The following ADAMTSL1 variants were observed in gnomAD, a reference collection of about 807,000 sequenced individuals.
ADAMTSL1 encodes the protein ADAMTS like 1, also known as ADAMTS-like protein 1.
A neutral mutation model predicts 201.8 loss-of-function variants in ADAMTSL1; 126 were observed. The observed-to-expected ratio is 0.62, with a 90% confidence interval of 0.54 to 0.72. ADAMTSL1 has a LOEUF of 0.72. ADAMTSL1 is among the 30% of genes least tolerant of loss of function. The probability of loss-of-function intolerance (pLI) is 0.00; values close to 1 mark genes in which losing one functional copy is unlikely to be tolerated. For synonymous variants in ADAMTSL1, 1,121 were observed against 903.4 expected (o/e 1.24, Z -4.32); for missense variants, 2,679 against 2,277.8 (o/e 1.18, Z -3.59).
intron 23 of ADAMTSL1, among the ~76,000 whole-genome samples, chr9:18,878,657 G>A (rs1035282047): frequency 7.2e-5 from 11 of 152,366 alleles, no homozygotes; most frequent in African/African-American, 2.2e-4. Context: ...GGCACCTGCA[G>A]TGGCAAGCTG....
At chr9:18,232,353 G>C (rs983318062) in intron 2 of ADAMTSL1, among the ~76,000 whole-genome samples, 1 of 151,974 alleles carries the variant, frequency 6.6e-6, no homozygotes, top group African/African-American at 2.4e-5. Flanking sequence ...CATTCTTTTG[G>C]TAAGGTACTC....
At chr9:17,952,655 A>G (rs1827772212) in intron 1 of ADAMTSL1, among the ~76,000 whole-genome samples, 1 of 152,114 alleles carries the variant, frequency 6.6e-6, no homozygotes. Flanking sequence ...TGGAGGGACC[A>G]CAGGCACACA....
intron 7 of ADAMTSL1, among the ~76,000 whole-genome samples, chr9:18,654,210 CAG>C (rs1364456329): frequency 2.0e-5 from 3 of 152,164 alleles, no homozygotes; most frequent in African/African-American, 7.2e-5. Context: ...CCCTGGGTGA[CAG>C]AGTGAGACTC....
intron 1 of ADAMTSL1, among the ~76,000 whole-genome samples, chr9:18,027,182 C>A (rs772966333): frequency 6.6e-6 from 1 of 150,416 alleles, no homozygotes; most frequent in Non-Finnish European, 1.5e-5. Context: ...TTCATTGGTC[C>A]TTTGTATAGA....
intron 2 of ADAMTSL1, among the ~76,000 whole-genome samples, chr9:18,404,462 C>T (rs1417444886): frequency 6.6e-6 from 1 of 152,116 alleles, no homozygotes; most frequent in African/African-American, 2.4e-5. Flanking sequence ...TGGGGAGCAC[C>T]GGTCTAAATC....
chr9:18,385,172 CT>C (rs1258101426), intron 2 of ADAMTSL1, among the ~76,000 whole-genome samples: 1 of 152,120 alleles, frequency 6.6e-6, no homozygotes, highest in Non-Finnish European at 1.5e-5. Context: ...CTATTTTTCT[CT>C]TTTACCCAAC....
intron 20 of ADAMTSL1, among the ~76,000 whole-genome samples, chr9:18,816,533 A>C (rs925232066): frequency 6.6e-6 from 1 of 152,086 alleles, no homozygotes; most frequent in Non-Finnish European, 1.5e-5. Flanking sequence ...CACTGCACCC[A>C]GCACTCTCTA....
At chr9:18,179,371 C>G (rs1040145446) in intron 2 of ADAMTSL1, among the ~76,000 whole-genome samples, 14 of 152,106 alleles carry the variant, frequency 9.2e-5, no homozygotes, top group African/African-American at 3.4e-4. Flanking sequence ...AAATATGGGA[C>G]TACGTGAAAA....
At chr9:17,913,956 C>A (rs1825988595) in intron 1 of ADAMTSL1, among the ~76,000 whole-genome samples, 1 of 152,164 alleles carries the variant, frequency 6.6e-6, no homozygotes, top group Non-Finnish European at 1.5e-5. Context: ...ATACACCCTC[C>A]CAAGACTAAA....
rs1304107760 is a variant in ADAMTSL1 at position 18,503,440 on chromosome 9, T to TATATATATATATATATATAC, written c.64-1388_64-1387insTATATATATATATATATACA. Among the ~76,000 whole-genome samples the TATATATATATATATATATAC allele has an allele frequency of 8.8e-5, 13 of 148,334 alleles. No individual in the cohort carries two copies. In the East Asian group the frequency reaches 2.3e-3, roughly 26 times the overall value. On this transcript the variant is annotated intron_variant, in intron 1 of 28. Transcript: ENST00000380548. ...CATTGTGTATATATATATATATATA[T>TATATATATATATATATATAC]ACCACATTTTGTTTACATATTCATC...
intron 1 of ADAMTSL1, among the ~76,000 whole-genome samples, chr9:18,053,523 A>T (rs1238381114): frequency 1.3e-5 from 2 of 152,184 alleles, no homozygotes; most frequent in Non-Finnish European, 2.9e-5. Flanking sequence ...AAAATTGTGT[A>T]TTGTAATAAT....
At chr9:18,078,247 T>A (rs1419835072) in intron 1 of ADAMTSL1, among the ~76,000 whole-genome samples, 4 of 152,150 alleles carry the variant, frequency 2.6e-5, no homozygotes, top group Non-Finnish European at 5.9e-5. Flanking sequence ...ATTGTGCCTT[T>A]TATAGTCGCG....
At chr9:18,752,437 G>A (rs990862756) in intron 15 of ADAMTSL1, among the ~76,000 whole-genome samples, 3 of 152,202 alleles carry the variant, frequency 2.0e-5, no homozygotes, top group Non-Finnish European at 2.9e-5. Flanking sequence ...TTGTGCCTCA[G>A]ACTGTAAACA....
chr9:18,905,026 C>G (rs1398762574), intron 26 of ADAMTSL1, among the ~76,000 whole-genome samples: 1 of 152,142 alleles, frequency 6.6e-6, no homozygotes, highest in African/African-American at 2.4e-5. Flanking sequence ...AGCACCACCC[C>G]CAGTGGAACC....
intron 19 of ADAMTSL1, among the ~76,000 whole-genome samples, chr9:18,792,969 A>G (rs1378873254): frequency 6.6e-6 from 1 of 152,250 alleles, no homozygotes; most frequent in Non-Finnish European, 1.5e-5. Context: ...TGGATGAGCC[A>G]TAACACAATC....
rs539034083 is a variant in ADAMTSL1 at position 17,907,208 on chromosome 9, G to A, written c.87+286G>A. On this transcript the variant is annotated intron_variant, in intron 1 of 29. Transcript: ENST00000680146. Reference sequence around the variant, plus strand: ...GCTTCCAGCCAGGCAGAGCCGGGGCGAGAAGGCGGCGCCTGAGCTGGGGAG... The same window carrying A: ...GCTTCCAGCCAGGCAGAGCCGGGGCAAGAAGGCGGCGCCTGAGCTGGGGAG... Among the ~76,000 whole-genome samples the A allele has an allele frequency of 3.3e-5, 5 of 152,192 alleles. No homozygotes were observed. In the South Asian group the frequency reaches 1.0e-3, roughly 31 times the overall value.
intron 20 of ADAMTSL1, among the ~76,000 whole-genome samples, chr9:18,801,568 C>A (rs944952373): frequency 1.3e-5 from 2 of 152,134 alleles, no homozygotes; most frequent in Non-Finnish European, 2.9e-5. Context: ...TCTGTTGTTC[C>A]CCCTTCTTCG....
At chr9:18,711,477 G>C (rs1435002057) in intron 14 of ADAMTSL1, among the ~76,000 whole-genome samples, 1 of 152,176 alleles carries the variant, frequency 6.6e-6, no homozygotes, top group Non-Finnish European at 1.5e-5. Context: ...GTCAAAGAAA[G>C]GGGTGACAGA....
chr9:17,929,484 C>T (rs919245480), intron 1 of ADAMTSL1, among the ~76,000 whole-genome samples: 2 of 152,104 alleles, frequency 1.3e-5, no homozygotes, highest in African/African-American at 2.4e-5. Context: ...CAAGGCCTTG[C>T]CTGATCCAGC....
Sources: gnomAD v4.1 joint callset for allele counts (sites outside exome capture counted in the v4.1 genomes callset) on GRCh38, gnomAD v4.1.1 for gene constraint, MANE v1.5 for transcripts, NCBI Gene and HGNC (gene_info 2026-07-23, HGNC 2026-07-21) for gene names.